The following NKAIN2 variants were observed in gnomAD, a reference collection of about 807,000 sequenced individuals.
NKAIN2 encodes sodium/potassium transporting ATPase interacting 2, also known as sodium/potassium-transporting ATPase subunit beta-1-interacting protein 2.
A neutral mutation model predicts 32.6 loss-of-function variants in NKAIN2; 14 were observed. That is an observed-to-expected ratio of 0.43 (90% CI 0.28 to 0.67). NKAIN2 has a LOEUF of 0.67. NKAIN2 is among the 30% of genes least tolerant of loss of function. The pLI, the probability that NKAIN2 is intolerant of heterozygous loss-of-function variation, is 0.17. For synonymous variants in NKAIN2, 80 were observed against 87.2 expected (o/e 0.92, Z 0.46); for missense variants, 198 against 258.3 (o/e 0.77, Z 1.60).
rs73565664 is a variant in NKAIN2 at position 124,282,630 on chromosome 6, C to T, written c.55-375C>T. Among the ~76,000 whole-genome samples the T allele has an allele frequency of 6.7e-3, 1,013 of 152,286 alleles. 12 individuals carry two copies. Among genetic ancestry groups the T allele is most frequent in the African/African-American group, 0.021 (893 of 41,556 alleles). On this transcript the variant is annotated intron_variant, in intron 1 of 6. Coordinates refer to ENST00000368417, the MANE Select transcript of NKAIN2 (RefSeq NM_001040214.3). ...GTTCTATTCTCAACTTATATAATGA[C>T]GTTTGAACAGATCTAGCAACAAACT... is the stretch of plus-strand genomic sequence containing the variant.
At chr6:124,821,405 T>C (rs184254555) in intron 6 of NKAIN2, among the ~76,000 whole-genome samples, 1 of 152,076 alleles carries the variant, frequency 6.6e-6, no homozygotes, top group South Asian at 2.1e-4. Flanking sequence ...CCAATAAATA[T>C]GATCAAGCTG....
At chr6:124,757,650 C>T (rs185582224) in intron 4 of NKAIN2, among the ~76,000 whole-genome samples, 1 of 152,208 alleles carries the variant, frequency 6.6e-6, no homozygotes, top group East Asian at 1.9e-4. Context: ...TCCAAAGCAG[C>T]CAAACAGAAC....
chr6:124,673,723 T>A (rs1246403242), intron 4 of NKAIN2, among the ~76,000 whole-genome samples: 3 of 152,046 alleles, frequency 2.0e-5, no homozygotes, highest in African/African-American at 7.2e-5. Context: ...TGCCCATTTT[T>A]TAATTGGGTT....
intron 1 of NKAIN2, among the ~76,000 whole-genome samples, chr6:123,864,723 G>A (rs1324801353): frequency 6.6e-6 from 1 of 152,132 alleles, no homozygotes; most frequent in Non-Finnish European, 1.5e-5. Flanking sequence ...GCTTGGCTAA[G>A]TTAAAATTTT....
At chr6:124,328,010 C>T (rs1000081937) in intron 2 of NKAIN2, among the ~76,000 whole-genome samples, 1 of 152,126 alleles carries the variant, frequency 6.6e-6, no homozygotes, top group Admixed American at 6.5e-5. Context: ...ATTGGATTAT[C>T]ATCGCTTCCT....
At chr6:124,766,692 T>C (rs1003101475) in intron 4 of NKAIN2, among the ~76,000 whole-genome samples, 1 of 152,114 alleles carries the variant, frequency 6.6e-6, no homozygotes, top group African/African-American at 2.4e-5. Flanking sequence ...CGATAGAATA[T>C]TAGCACGAGG....
intron 3 of NKAIN2, among the ~76,000 whole-genome samples, chr6:124,516,804 C>T (rs1005806283): frequency 2.0e-4 from 30 of 152,158 alleles, no homozygotes; most frequent in African/African-American, 7.2e-4. Context: ...AACTGAGTCA[C>T]CTTCACTTCA....
intron 3 of NKAIN2, among the ~76,000 whole-genome samples, chr6:124,544,196 C>T (rs373675460): frequency 6.6e-6 from 1 of 152,058 alleles, no homozygotes. Context: ...CCCTGAAGAA[C>T]CTTCAGGGAG....
intron 1 of NKAIN2, among the ~76,000 whole-genome samples, chr6:124,194,684 CTATAT>C (rs1405346004): frequency 6.6e-6 from 1 of 151,990 alleles, no homozygotes; most frequent in African/African-American, 2.4e-5. Context: ...GTACACGATG[CTATAT>C]TATGTCTTTT....
chr6:124,282,672 C>T (rs1341224869), intron 1 of NKAIN2, among the ~76,000 whole-genome samples: 2 of 152,168 alleles, frequency 1.3e-5, no homozygotes, highest in Non-Finnish European at 2.9e-5. Context: ...GTGGACTTCC[C>T]TGACTTGCTG....
intron 1 of NKAIN2, among the ~76,000 whole-genome samples, chr6:124,040,267 A>G (rs1781809484): frequency 1.3e-5 from 2 of 151,864 alleles, no homozygotes; most frequent in Non-Finnish European, 2.9e-5. Context: ...ATTTTGTTAT[A>G]GTTTTCTTAA....
intron 3 of NKAIN2, among the ~76,000 whole-genome samples, chr6:124,505,827 C>T (rs948064651): frequency 1.3e-5 from 2 of 151,898 alleles, no homozygotes; most frequent in African/African-American, 4.8e-5. Flanking sequence ...GAGTGCCTGC[C>T]CCCAACAGGC....
chr6:124,040,953 G>A (rs1185478186), intron 1 of NKAIN2, among the ~76,000 whole-genome samples: 1 of 151,986 alleles, frequency 6.6e-6, no homozygotes, highest in East Asian at 1.9e-4. Flanking sequence ...CCTCATTCCG[G>A]TTTTCAGGGT....
chr6:124,411,648 C>G (rs530176372), intron 3 of NKAIN2, among the ~76,000 whole-genome samples: 3 of 152,314 alleles, frequency 2.0e-5, no homozygotes, highest in African/African-American at 7.2e-5. Flanking sequence ...GTGAATCTGA[C>G]AATTATGTGT....
chr6:124,318,051 TA>T (rs1253871553), intron 2 of NKAIN2, among the ~76,000 whole-genome samples: 1 of 152,094 alleles, frequency 6.6e-6, no homozygotes, highest in Non-Finnish European at 1.5e-5. Flanking sequence ...AGAGAAATGC[TA>T]AGTATAAATC....
chr6:124,217,434 GAA>G (rs946979177), intron 1 of NKAIN2, among the ~76,000 whole-genome samples: 2 of 145,750 alleles, frequency 1.4e-5, no homozygotes, highest in East Asian at 2.0e-4. Context: ...CCATGGTAGA[GAA>G]AAAAAAAAGT....
chr6:124,714,356 T>C (rs185140379), intron 4 of NKAIN2, among the ~76,000 whole-genome samples: 4 of 152,358 alleles, frequency 2.6e-5, no homozygotes, highest in African/African-American at 9.6e-5. Context: ...AATGAATCTG[T>C]CATATCAACT....
chr6:123,982,502 TC>T (rs1358988440), intron 1 of NKAIN2, among the ~76,000 whole-genome samples: 1 of 152,176 alleles, frequency 6.6e-6, no homozygotes, highest in Non-Finnish European at 1.5e-5. Context: ...GATACCCATT[TC>T]ATTATATTGT....
chr6:124,524,987 A>G (rs554556188), intron 3 of NKAIN2, among the ~76,000 whole-genome samples: 174 of 152,278 alleles, frequency 1.1e-3, no homozygotes, highest in African/African-American at 4.0e-3. Flanking sequence ...TCAGCATGGA[A>G]TGCACAATTT....
Sources: gnomAD v4.1 joint callset for allele counts (sites outside exome capture counted in the v4.1 genomes callset) on GRCh38, gnomAD v4.1.1 for gene constraint, MANE v1.5 for transcripts, NCBI Gene and HGNC (gene_info 2026-07-23, HGNC 2026-07-21) for gene names.